MARCHF11: variants seen among roughly 807,000 people sequenced by gnomAD.
MARCHF11 encodes the protein membrane associated ring-CH-type finger 11.
Under a neutral mutation model 37.3 loss-of-function variants are expected in MARCHF11, and 29 were observed. The ratio of observed to expected loss-of-function variants is 0.78; its 90% CI spans 0.58 to 1.06. MARCHF11 has a LOEUF of 1.06. Among genes scored for constraint, MARCHF11 ranks in the 50% least tolerant of loss-of-function variants. The pLI is 0.00. For missense variants in MARCHF11, 482 were observed against 533.4 expected (o/e 0.90, Z 0.95); for synonymous variants, 233 against 228.0 (o/e 1.02, Z -0.20).
At chr5:16,162,163 C>T (rs344736) in intron 2 of MARCHF11, among the ~76,000 whole-genome samples, 147,115 of 152,010 alleles carry the variant, frequency 0.97, 71,298 homozygotes, top group East Asian at 1. Flanking sequence ...GAGGAGCAAA[C>T]TGACCACCTG....
At chr5:16,123,929 A>G (rs1289268161) in intron 2 of MARCHF11, among the ~76,000 whole-genome samples, 1 of 152,202 alleles carries the variant, frequency 6.6e-6, no homozygotes, top group Non-Finnish European at 1.5e-5. Flanking sequence ...ATATGGATCA[A>G]TGGGATAGAA....
At chr5:16,125,869 G>A (rs1262065200) in intron 2 of MARCHF11, among the ~76,000 whole-genome samples, 1 of 152,162 alleles carries the variant, frequency 6.6e-6, no homozygotes, top group Non-Finnish European at 1.5e-5. Flanking sequence ...AAAGTAAGCT[G>A]CACTTGTACT....
chr5:16,177,937 C>T, intron 1 of MARCHF11, 56 bp from the exon 2 acceptor site: 2 of 1,483,676 alleles, frequency 1.3e-6, no homozygotes, highest in South Asian at 1.4e-5. Flanking sequence ...ATTTTAAAAA[C>T]CTAATGCTTC....
chr5:16,179,506 G>A lies in MARCHF11; in HGVS notation c.70C>T (p.Pro24Ser), dbSNP rs978993004. 9 of 1,168,678 alleles carry A rather than the reference G, an allele frequency of 7.7e-6. No homozygotes were observed. Among genetic ancestry groups the A allele is most frequent in the Non-Finnish European group, 9.5e-6 (9 of 947,882 alleles). The allele number at this position is 1,168,678 out of a possible 1,614,324, so 72.4% of individuals were successfully genotyped here. A position where few individuals can be genotyped will look rare whatever the true frequency, so the allele number is the denominator to read the frequency against. Residue 24 changes from proline to serine, a missense_variant, in exon 1 of 4, where the codon CCG becomes TCG. Transcript: ENST00000332432. ...GGCGGCGGCGGCGGGGGAGGTTGCG[G>A]GGGAGGCTCGGCGTCCCCGCTCTCC... is the stretch of plus-strand genomic sequence containing the variant. Reference protein sequence around the residue: ...GAESGDAEPPPQPPPPPPPTP... With the variant: ...GAESGDAEPPSQPPPPPPPTP...
At chr5:16,122,798 AC>A (rs1313223746) in intron 2 of MARCHF11, among the ~76,000 whole-genome samples, 2 of 152,176 alleles carry the variant, frequency 1.3e-5, no homozygotes, top group Non-Finnish European at 2.9e-5. Context: ...AGTGGAAAGC[AC>A]ATCATCAAAG....
chr5:16,114,692 G>A (rs1174289412), intron 2 of MARCHF11, among the ~76,000 whole-genome samples: 1 of 151,486 alleles, frequency 6.6e-6, no homozygotes, highest in East Asian at 1.9e-4. Context: ...GTCTCACTAT[G>A]TTGCCCAGGC....
At chr5:16,092,473 T>G (rs1358802279) in intron 2 of MARCHF11, among the ~76,000 whole-genome samples, 1 of 152,224 alleles carries the variant, frequency 6.6e-6, no homozygotes, top group African/African-American at 2.4e-5. Flanking sequence ...GAGAAATGGT[T>G]TGTGCTTTTA....
At chr5:16,134,262 G>A (rs1737571298) in intron 2 of MARCHF11, among the ~76,000 whole-genome samples, 1 of 152,098 alleles carries the variant, frequency 6.6e-6, no homozygotes, top group Non-Finnish European at 1.5e-5. Context: ...AGCATGTGCT[G>A]GAAATGTAAT....
intron 2 of MARCHF11, among the ~76,000 whole-genome samples, chr5:16,103,041 C>T (rs1414026611): frequency 6.6e-6 from 1 of 150,494 alleles, no homozygotes; most frequent in Admixed American, 6.7e-5. Flanking sequence ...ATTCATTCAA[C>T]ATGCAACTTA....
intron 2 of MARCHF11, among the ~76,000 whole-genome samples, chr5:16,137,857 T>C (rs998447684): frequency 6.6e-6 from 1 of 152,120 alleles, no homozygotes; most frequent in African/African-American, 2.4e-5. Context: ...AGAGAGATGA[T>C]TTAGGGTATC....
At chr5:16,084,609 A>G (rs1248271795) in intron 3 of MARCHF11, among the ~76,000 whole-genome samples, 1 of 152,018 alleles carries the variant, frequency 6.6e-6, no homozygotes, top group Non-Finnish European at 1.5e-5. Flanking sequence ...CGCCACTGCA[A>G]TCCAGCCAGG....
At chr5:16,145,730 C>G (rs906952077) in intron 2 of MARCHF11, among the ~76,000 whole-genome samples, 11 of 146,448 alleles carry the variant, frequency 7.5e-5, no homozygotes, top group African/African-American at 2.7e-4. Context: ...CATTCCAGTA[C>G]AAGATTTTAT....
chr5:16,155,919 G>A (rs568455494), intron 2 of MARCHF11, among the ~76,000 whole-genome samples: 105 of 151,998 alleles, frequency 6.9e-4, no homozygotes, highest in Middle Eastern at 6.8e-3. Context: ...TGCACTTTCA[G>A]GGAGAAAACT....
chr5:16,090,917 C>T lies in MARCHF11; in HGVS notation c.858G>A (p.Met286Ile). The T allele has an allele frequency of 1.2e-6, 2 of 1,606,592 alleles. No homozygotes were observed. Among genetic ancestry groups the T allele is most frequent in the Non-Finnish European group, 1.7e-6 (2 of 1,177,176 alleles). The stretch of plus-strand genomic sequence containing the variant: ...TGCACACTAGATCCATAAAACCATA[C>T]ATTCCATAGCAGATCTGAAAAAGGA... Reference protein sequence around the residue: ...KDILFQICYGMYGFMDLVCIG... With the variant: ...KDILFQICYGIYGFMDLVCIG... The change falls in exon 3 of 4, where the codon ATG becomes ATA. Residue 286 changes from methionine to isoleucine, a missense_variant. Met to Ile is a conservative substitution (Grantham distance 10, BLOSUM62 1). Coordinates refer to ENST00000332432, the MANE Select transcript of MARCHF11 (RefSeq NM_001102562.3).
chr5:16,142,624 G>A (rs1057092981), intron 2 of MARCHF11, among the ~76,000 whole-genome samples: 5 of 151,742 alleles, frequency 3.3e-5, no homozygotes, highest in East Asian at 3.9e-4. Context: ...CCACTACCCC[G>A]GCCTCCCTCT....
intron 2 of MARCHF11, among the ~76,000 whole-genome samples, chr5:16,120,341 T>C (rs903995426): frequency 1.3e-4 from 20 of 152,144 alleles, no homozygotes; most frequent in Non-Finnish European, 2.2e-4. Flanking sequence ...TCTCACCCGC[T>C]TCATGGCTAC....
In MARCHF11 at chr5:16,129,825, C is replaced by T. The variant is rs923056761; in HGVS notation, c.694-38744G>A. ...TCTTTTGTTTGAAATCATTTTATGA[C>T]ATCTGGACCAACTTACTTTTATCTT... On this transcript the variant is annotated intron_variant, in intron 2 of 3. Transcript: ENST00000332432. Among the ~76,000 whole-genome samples, 9 of 152,256 alleles carry T rather than the reference C, an allele frequency of 5.9e-5. No homozygotes were observed. The East Asian group carries it at 1.7e-3, about 29-fold the overall frequency.
chr5:16,163,026 T>A (rs1272201485), intron 2 of MARCHF11, among the ~76,000 whole-genome samples: 1 of 152,078 alleles, frequency 6.6e-6, no homozygotes, highest in African/African-American at 2.4e-5. Flanking sequence ...ATGCTTTTTT[T>A]ATTATATTAC....
intron 2 of MARCHF11, among the ~76,000 whole-genome samples, chr5:16,126,275 A>G (rs1737405158): frequency 6.6e-6 from 1 of 152,208 alleles, no homozygotes; most frequent in Non-Finnish European, 1.5e-5. Context: ...AGAATTGAGA[A>G]TTAAGATAAA....
Sources: gnomAD v4.1 joint callset for allele counts (sites outside exome capture counted in the v4.1 genomes callset) on GRCh38, gnomAD v4.1.1 for gene constraint, MANE v1.5 for transcripts, NCBI Gene and HGNC (gene_info 2026-07-23, HGNC 2026-07-21) for gene names.